SPATC1: variants seen among roughly 807,000 people sequenced by gnomAD.
SPATC1 encodes the protein spermatogenesis and centriole associated 1.
Under a neutral mutation model 36.5 loss-of-function variants are expected in SPATC1, and 35 were observed. That is an observed-to-expected ratio of 0.96 (90% CI 0.73 to 1.27). SPATC1 has a LOEUF of 1.27. Ranked by LOEUF, SPATC1 falls within the 50% of genes most tolerant of loss-of-function variation. The pLI is 0.00. For synonymous variants in SPATC1, 361 were observed against 353.6 expected (o/e 1.02, Z -0.24); for missense variants, 779 against 796.0 (o/e 0.98, Z 0.26).
chr8:144,029,102 G>T (rs1159089132), intron 1 of SPATC1, among the ~76,000 whole-genome samples: 4 of 147,634 alleles, frequency 2.7e-5, no homozygotes, highest in Non-Finnish European at 4.4e-5. Context: ...TGTATGCTGG[G>T]CTTAATACTT....
At position 144,040,933 on chromosome 8, in the gene SPATC1, G is replaced by T; in HGVS notation, c.1132G>T (p.Val378Phe). The T allele has an allele frequency of 6.3e-7, 1 of 1,593,294 alleles. No homozygotes were observed. Among genetic ancestry groups the T allele is most frequent in the Non-Finnish European group, 8.5e-7 (1 of 1,171,270 alleles). The change falls in exon 3 of 5, where the codon GTC becomes TTC. Residue 378 changes from valine (V) to phenylalanine (F), a missense_variant. Transcript: ENST00000377470. ...MHNSPTQNLPVPHCPPHNAHS... is the reference protein window; with the variant it reads ...MHNSPTQNLPFPHCPPHNAHS... ...TAATTCCCCAACCCAGAACCTGCCT[G>T]TCCCCCACTGTCCTCCACACAACGC... is the stretch of plus-strand genomic sequence containing the variant.
chr8:144,017,322 T>C (rs1479137287), intron 1 of SPATC1, among the ~76,000 whole-genome samples: 11 of 152,172 alleles, frequency 7.2e-5, no homozygotes, highest in African/African-American at 2.7e-4. Flanking sequence ...GTCGGGTTCT[T>C]ATTCTTGATT....
chr8:144,011,884 C>T (rs1419258067), upstream of SPATC1, among the ~76,000 whole-genome samples: 1 of 152,198 alleles, frequency 6.6e-6, no homozygotes, highest in East Asian at 1.9e-4. This position sits in a 1 kb window ranked among gnomAD's most constrained non-coding sequence, Gnocchi z 4.5. Flanking sequence ...AAATCATGGG[C>T]GAGTGTCCAG....
At chr8:144,029,730 C>G in intron 1 of SPATC1, among the ~76,000 whole-genome samples, 1 of 151,830 alleles carries the variant, frequency 6.6e-6, no homozygotes, top group Non-Finnish European at 1.5e-5. Context: ...TTTTTGTGAT[C>G]CATCCTGGAG....
intron 1 of SPATC1, among the ~76,000 whole-genome samples, chr8:144,031,727 T>C (rs1311395800): frequency 4.7e-5 from 7 of 149,412 alleles, no homozygotes; most frequent in Admixed American, 6.6e-5. Flanking sequence ...TTCTTTCTTT[T>C]TTTTTTTTTT....
Position 144,022,763 on chromosome 8 carries a change from C to T in SPATC1, c.211+10037C>T, listed in dbSNP as rs1834565128. On this transcript the variant is annotated intron_variant, in intron 1 of 4. Transcript: ENST00000377470. ...ACCCTCTTCCCTTAGAACCCTTTCCCTAAGGGCCCTCTTCCCTGAGGACCC... is the reference window on the plus strand; with the variant it reads ...ACCCTCTTCCCTTAGAACCCTTTCCTTAAGGGCCCTCTTCCCTGAGGACCC... 1.3e-5 allele frequency among the ~76,000 whole-genome samples: 2 copies of T among 149,220 alleles called. 1 individual carries two copies. The highest frequency in any genetic ancestry group is 5.1e-5 in the African/African-American group (2 of 39,484).
chr8:144,042,762 C>A (rs1180504185), intron 4 of SPATC1, among the ~76,000 whole-genome samples: 1 of 152,176 alleles, frequency 6.6e-6, no homozygotes, highest in Non-Finnish European at 1.5e-5. Flanking sequence ...CAAGCAGTGT[C>A]TTGGAATCCT....
At chr8:144,028,567 G>A (rs1834730918) in intron 1 of SPATC1, among the ~76,000 whole-genome samples, 1 of 152,194 alleles carries the variant, frequency 6.6e-6, no homozygotes, top group Admixed American at 6.5e-5. Context: ...ATGCTGACGA[G>A]GCTGTGGAGA....
chr8:144,032,231 T>C (rs994865084), intron 1 of SPATC1, among the ~76,000 whole-genome samples: 14 of 152,126 alleles, frequency 9.2e-5, no homozygotes, highest in African/African-American at 3.4e-4. Context: ...CCCAGATCGG[T>C]TGAATCCCTC....
chr8:144,028,035 A>G (rs1323717942), intron 1 of SPATC1, among the ~76,000 whole-genome samples: 1 of 152,102 alleles, frequency 6.6e-6, no homozygotes, highest in Non-Finnish European at 1.5e-5. Context: ...GACCCCTTAA[A>G]CCTTACACAA....
chr8:144,011,499 C>T (rs537670689), upstream of SPATC1, among the ~76,000 whole-genome samples: 3 of 152,306 alleles, frequency 2.0e-5, no homozygotes, highest in Admixed American at 6.5e-5. This position sits in a 1 kb window ranked among gnomAD's most constrained non-coding sequence, Gnocchi z 4.5. Flanking sequence ...CTGGACTTCG[C>T]TATCCTCTCC....
chr8:144,014,608 A>G (rs1554752911), intron 1 of SPATC1, among the ~76,000 whole-genome samples: 1 of 152,150 alleles, frequency 6.6e-6, no homozygotes, highest in African/African-American at 2.4e-5. Flanking sequence ...TCCTTGGACC[A>G]CTTCAGATCT....
At chr8:144,033,262 GT>G (rs1200594637) in intron 1 of SPATC1, among the ~76,000 whole-genome samples, 12 of 152,222 alleles carry the variant, frequency 7.9e-5, no homozygotes, top group African/African-American at 2.4e-4. Flanking sequence ...GCTGGGCATG[GT>G]GGCACGCACC....
intron 1 of SPATC1, among the ~76,000 whole-genome samples, chr8:144,019,521 C>G (rs935558170): frequency 3.3e-5 from 5 of 152,304 alleles, no homozygotes; most frequent in African/African-American, 9.6e-5. Context: ...GACTTGGCCC[C>G]GTGCACGGGC....
Position 144,040,360 on chromosome 8 carries a change from G to C in SPATC1, c.663G>C (p.Leu221=), listed in dbSNP as rs1587525091. The C allele has an allele frequency of 6.2e-7, 1 of 1,612,656 alleles. No homozygotes were observed. The highest frequency in any genetic ancestry group is 2.2e-5 in the East Asian group (1 of 44,868). ...TGCTGGCCAACCCCATGAGCAACCT[G>C]GTCCTGCCAGAGGCCCCAAGGCTGC... ...QNLLANPMSN[L]VLPEAPRLRL... The change falls in exon 2 of 5, where the codon CTG becomes CTC. Residue 221 remains leucine, a synonymous_variant. Transcript: ENST00000377470.
chr8:144,038,974 T>C (rs1477591101), intron 1 of SPATC1, among the ~76,000 whole-genome samples: 1 of 152,194 alleles, frequency 6.6e-6, no homozygotes, highest in Admixed American at 6.5e-5. Context: ...ATACGCACGG[T>C]AGAGAAGGTC....
At position 144,039,054 on chromosome 8, in the gene SPATC1, C is replaced by T. The variant is rs554982499; in HGVS notation, c.212-855C>T. On this transcript the variant is annotated intron_variant, in intron 1 of 4. Transcript: ENST00000377470. ...GATGGAACTATCTGTGGCTTTTCAT[C>T]TTTTTTTTCTGTATTTCCATTCTTT... 3.2e-4 allele frequency among the ~76,000 whole-genome samples: 49 copies of T among 152,234 alleles called. No individual in the cohort carries two copies. The East Asian group carries it at 8.9e-3, about 28-fold the overall frequency.
chr8:144,029,625 T>C (rs1195960870), intron 1 of SPATC1, among the ~76,000 whole-genome samples: 1 of 152,208 alleles, frequency 6.6e-6, no homozygotes, highest in Non-Finnish European at 1.5e-5. Context: ...GTTGTGAATT[T>C]TACAGATTTC....
At chr8:144,034,795 G>A (rs916403411) in intron 1 of SPATC1, among the ~76,000 whole-genome samples, 2 of 151,930 alleles carry the variant, frequency 1.3e-5, no homozygotes, top group African/African-American at 4.8e-5. Context: ...CTAATTTTGT[G>A]TATTTTTAGT....
Sources: allele counts gnomAD v4.1 joint callset (sites outside exome capture counted in the v4.1 genomes callset), GRCh38; gene constraint gnomAD v4.1.1; non-coding constraint Gnocchi (gnomAD v3.1); transcripts MANE v1.5; gene names NCBI Gene and HGNC (gene_info 2026-07-23, HGNC 2026-07-21).